Variants in PRICKLE2 observed in about 807,000 individuals in gnomAD.
The protein encoded by PRICKLE2 is prickle planar cell polarity protein 2.
In PRICKLE2, 21 loss-of-function variants were observed where a neutral mutation model predicts 81.4. The ratio of observed to expected loss-of-function variants is 0.26; its 90% CI spans 0.18 to 0.37. The LOEUF (loss-of-function observed/expected upper bound fraction) is 0.37. Among genes scored for constraint, PRICKLE2 ranks in the 10% least tolerant of loss-of-function variants. PRICKLE2 has a pLI of 1.00. For synonymous variants in PRICKLE2, 456 were observed against 421.5 expected (o/e 1.08, Z -1.00); for missense variants, 940 against 1,109.0 (o/e 0.85, Z 2.16).
At chr3:64,174,774 C>A in intron 2 of PRICKLE2, 2 of 216,344 alleles carry the variant, frequency 9.2e-6, no homozygotes, top group South Asian at 1.7e-4. Flanking sequence ...TTGTTGCAGT[C>A]TTAGTGGATT....
At chr3:64,205,507 G>A (rs2078671653) in intron 1 of PRICKLE2, among the ~76,000 whole-genome samples, 1 of 152,158 alleles carries the variant, frequency 6.6e-6, no homozygotes, top group South Asian at 2.1e-4. Flanking sequence ...GGACAGGGTT[G>A]GTGGCAGGAA....
intron 1 of PRICKLE2, among the ~76,000 whole-genome samples, chr3:64,209,266 A>G (rs1406540639): frequency 1.3e-5 from 2 of 151,398 alleles, no homozygotes; most frequent in Non-Finnish European, 2.9e-5. Flanking sequence ...AAATACAGCC[A>G]TATCTATCCA....
At chr3:64,207,738 A>G (rs1008807609) in intron 1 of PRICKLE2, among the ~76,000 whole-genome samples, 1 of 152,190 alleles carries the variant, frequency 6.6e-6, no homozygotes, top group Admixed American at 6.5e-5. Context: ...TAAAAAAAAA[A>G]TCTGACAACC....
chr3:64,250,859 C>T (rs891793998), intron 2 of PRICKLE2, among the ~76,000 whole-genome samples: 1 of 152,118 alleles, frequency 6.6e-6, no homozygotes, highest in Non-Finnish European at 1.5e-5. Context: ...GGTCCCTCTG[C>T]CAGAGATACT....
chr3:64,165,329 G>C (rs567896117), intron 2 of PRICKLE2, among the ~76,000 whole-genome samples: 1 of 152,126 alleles, frequency 6.6e-6, no homozygotes, highest in Non-Finnish European at 1.5e-5. Context: ...TCTGGACCCC[G>C]AGTCAAGGCT....
chr3:64,243,535 G>A (rs2079300244), intron 2 of PRICKLE2, among the ~76,000 whole-genome samples: 1 of 152,162 alleles, frequency 6.6e-6, no homozygotes, highest in African/African-American at 2.4e-5. Flanking sequence ...CACAGATTCT[G>A]GTATCAGTCA....
At chr3:64,193,166 C>T (rs1355080950) in intron 2 of PRICKLE2, among the ~76,000 whole-genome samples, 1 of 152,188 alleles carries the variant, frequency 6.6e-6, no homozygotes, top group Non-Finnish European at 1.5e-5. Context: ...TTAGCTGCTG[C>T]TGTCTTGTAA....
At chr3:64,104,765 G>A (rs986962154) in intron 7 of PRICKLE2, 3 of 152,200 alleles carry the variant, frequency 2.0e-5, no homozygotes, top group African/African-American at 4.8e-5. Flanking sequence ...ACTATGTGTG[G>A]GTGGGACTGG....
intron 7 of PRICKLE2, among the ~76,000 whole-genome samples, chr3:64,143,007 T>A (rs187983145): frequency 9.1e-4 from 138 of 152,240 alleles, no homozygotes; most frequent in African/African-American, 3.1e-3. Flanking sequence ...TCCTAACTAT[T>A]AATTAATTAG....
intron 2 of PRICKLE2, among the ~76,000 whole-genome samples, chr3:64,241,150 A>G (rs961128679): frequency 6.6e-6 from 1 of 152,230 alleles, no homozygotes; most frequent in Non-Finnish European, 1.5e-5. Flanking sequence ...GGGCATTGCT[A>G]TATTTCAATA....
At chr3:64,111,292 A>G (rs1468447710) in intron 7 of PRICKLE2, among the ~76,000 whole-genome samples, 1 of 152,244 alleles carries the variant, frequency 6.6e-6, no homozygotes, top group Non-Finnish European at 1.5e-5. Context: ...TGTCACTTTT[A>G]AAGCACTTTT....
At chr3:64,210,205 T>C (rs1394162372) in intron 1 of PRICKLE2, among the ~76,000 whole-genome samples, 5 of 152,152 alleles carry the variant, frequency 3.3e-5, no homozygotes, top group Non-Finnish European at 7.4e-5. Flanking sequence ...GGAATTTCTA[T>C]ATCCCTCTGT....
intron 7 of PRICKLE2, among the ~76,000 whole-genome samples, chr3:64,115,896 CT>C (rs1285509658): frequency 1.3e-5 from 2 of 152,162 alleles, no homozygotes; most frequent in African/African-American, 4.8e-5. Flanking sequence ...AATACACATT[CT>C]TCTCATCACC....
chr3:64,225,717 ATTTTTTTTCTTCT>A (rs1001908550), upstream of PRICKLE2, among the ~76,000 whole-genome samples: 6 of 151,704 alleles, frequency 4.0e-5, no homozygotes, highest in African/African-American at 1.5e-4. Flanking sequence ...ACACATGCCT[ATTTTTTTTCTTCT>A]TAAAAGCTGT....
At chr3:64,210,122 T>C (rs1407899689) in intron 1 of PRICKLE2, among the ~76,000 whole-genome samples, 1 of 152,108 alleles carries the variant, frequency 6.6e-6, no homozygotes, top group Non-Finnish European at 1.5e-5. Flanking sequence ...CAAGCACAGA[T>C]GTGAAATTCA....
intron 7 of PRICKLE2, chr3:64,105,700 G>A (rs1353462471): frequency 6.6e-6 from 1 of 152,216 alleles, no homozygotes; most frequent in Non-Finnish European, 1.5e-5. Flanking sequence ...TCACAGCTCT[G>A]TTGATGTGTT....
intron 1 of PRICKLE2, among the ~76,000 whole-genome samples, chr3:64,203,275 A>G (rs1365204946): frequency 1.3e-5 from 2 of 152,216 alleles, no homozygotes; most frequent in Non-Finnish European, 2.9e-5. Context: ...GCTCATTTGA[A>G]TAGTAACTCT....
intron 7 of PRICKLE2, among the ~76,000 whole-genome samples, chr3:64,127,866 G>A (rs2077134482): frequency 6.6e-6 from 1 of 151,984 alleles, no homozygotes; most frequent in Admixed American, 6.6e-5. Flanking sequence ...ATCTCCCAAA[G>A]AGACTCAGCT....
At chr3:64,228,653 G>A (rs756473795), upstream of PRICKLE2, among the ~76,000 whole-genome samples, 2 of 152,070 alleles carry the variant, frequency 1.3e-5, no homozygotes, top group African/African-American at 4.8e-5. Context: ...CTAAAAAACA[G>A]TGAAATTCCA....
Sources: gnomAD v4.1 joint callset for allele counts (sites outside exome capture counted in the v4.1 genomes callset) on GRCh38, gnomAD v4.1.1 for gene constraint, MANE v1.5 for transcripts, NCBI Gene and HGNC (gene_info 2026-07-23, HGNC 2026-07-21) for gene names.